TTC6: variants seen among roughly 807,000 people sequenced by gnomAD.
The protein encoded by TTC6 is tetratricopeptide repeat domain 6, also known as tetratricopeptide repeat protein 6.
A neutral mutation model predicts 210.4 loss-of-function variants in TTC6; 172 were observed. That is an observed-to-expected ratio of 0.82 (90% confidence interval 0.72 to 0.93). TTC6 has a LOEUF of 0.93. TTC6 is among the 40% of genes least tolerant of loss of function. The pLI, the probability that TTC6 is intolerant of heterozygous loss-of-function variation, is 0.00. For missense variants in TTC6, 2,414 were observed against 2,318.1 expected (o/e 1.04, Z -0.85); for synonymous variants, 804 against 819.6 (o/e 0.98, Z 0.32).
At chr14:37,646,121 T>A (rs191085519) in intron 1 of TTC6, among the ~76,000 whole-genome samples, 4 of 152,310 alleles carry the variant, frequency 2.6e-5, no homozygotes, top group African/African-American at 9.6e-5. Context: ...ACAGTGCAAT[T>A]GGCACTATAA....
chr14:37,622,685 C>A, exon 1 of TTC6: 1 of 1,535,126 alleles, frequency 6.5e-7, no homozygotes, highest in Non-Finnish European at 8.7e-7. Context: ...AGGCCAGCTC[C>A]GTCTCCGCAG....
Position 37,796,810 on chromosome 14 carries a change from C to T in TTC6, c.3892C>T (p.Gln1298Ter). The T allele has an allele frequency of 6.2e-7, 1 of 1,606,654 alleles. No homozygotes were observed. Among genetic ancestry groups the T allele is most frequent in the Non-Finnish European group, 8.5e-7 (1 of 1,176,496 alleles). ...AGGTCTCAGTGAGTTGAGTCCTATG[C>T]AGCAAGCCCTTATTTATTCATTTTG... The change falls in exon 20 of 31, where the codon CAG becomes TAG. Residue 1298 changes from glutamine (Q) to a stop codon, truncating the protein, a stop_gained. Transcript: ENST00000553443. LOFTEE classifies it high-confidence loss of function.
At chr14:37,762,882 CTTTTTT>C (rs369694046) in intron 14 of TTC6, among the ~76,000 whole-genome samples, 1 of 129,602 alleles carries the variant, frequency 7.7e-6, no homozygotes. Flanking sequence ...CTTTTCTTTT[CTTTTTT>C]TTTTTTTTTT....
Position 37,751,086 on chromosome 14 carries a change from G to GA in TTC6, c.2997dup (p.Asp1000ArgfsTer14). 3 of 1,522,462 alleles carry GA rather than the reference G, an allele frequency of 2.0e-6. No individual in the cohort carries two copies. The highest frequency in any genetic ancestry group is 2.0e-5 in the Admixed American group (1 of 50,032). 94.3% of individuals were successfully genotyped at this position (1,522,462 alleles called of 1,614,324 possible). On this transcript the variant is annotated frameshift_variant, in exon 13 of 31. Coordinates refer to ENST00000553443, the Ensembl canonical transcript of TTC6. LOFTEE classifies it high-confidence loss of function. ...TTGTCAAAAGCAGAAATTTACAGGG[G>GA]AAAAAAAGACATAACTTTGGCAATT...
chr14:37,790,471 A>G (rs2096076888), intron 15 of TTC6, among the ~76,000 whole-genome samples: 1 of 152,196 alleles, frequency 6.6e-6, no homozygotes, highest in African/African-American at 2.4e-5. Context: ...CTAGATTCCA[A>G]TCAGGATTTA....
rs543056031 is a variant in TTC6 at position 37,825,048 on chromosome 14, G to C, written c.4974+1091G>C. Among the ~76,000 whole-genome samples the C allele has an allele frequency of 2.0e-5, 3 of 152,326 alleles. No individual in the cohort carries two copies. The South Asian group carries it at 6.2e-4, about 32-fold the overall frequency. On this transcript the variant is annotated intron_variant, in intron 27 of 30. Transcript: ENST00000553443. ...GAAAAGCACAGGAGTGTAAAGAATT[G>C]AGTCAGGAAGGAGGACTGCAAAAGG...
intron 20 of TTC6, among the ~76,000 whole-genome samples, chr14:37,800,114 A>G (rs1466738835): frequency 6.6e-6 from 1 of 152,192 alleles, no homozygotes; most frequent in African/African-American, 2.4e-5. Flanking sequence ...CAGAGGCTGA[A>G]AGAATTTTGA....
chr14:37,713,964 CTG>C (rs1366695109), intron 5 of TTC6, among the ~76,000 whole-genome samples: 1 of 152,058 alleles, frequency 6.6e-6, no homozygotes, highest in Non-Finnish European at 1.5e-5. Flanking sequence ...TGGCACATGA[CTG>C]TGTATATATT....
chr14:37,623,029 A>AT (rs2095654487), intron 1 of TTC6, 26 bp downstream of exon 3: 2 of 1,428,398 alleles, frequency 1.4e-6, no homozygotes, highest in Non-Finnish European at 1.8e-6. Context: ...CAAGAGTAAC[A>AT]TTTTTCCCAA....
intron 1 of TTC6, among the ~76,000 whole-genome samples, chr14:37,645,476 G>A (rs573853230): frequency 2.6e-5 from 4 of 152,284 alleles, no homozygotes; most frequent in African/African-American, 9.6e-5. Flanking sequence ...AAACAAATCA[G>A]TAATGTCTTA....
At chr14:37,599,592 C>G (rs1182378834) in intron 1 of TTC6, among the ~76,000 whole-genome samples, 1 of 152,200 alleles carries the variant, frequency 6.6e-6, no homozygotes, top group East Asian at 1.9e-4. Flanking sequence ...CTAGCTCACC[C>G]GCAGCCGGAT....
intron 5 of TTC6, among the ~76,000 whole-genome samples, chr14:37,704,733 T>G (rs2095832117): frequency 6.6e-6 from 1 of 152,102 alleles, no homozygotes; most frequent in South Asian, 2.1e-4. Context: ...TAGCAATTTT[T>G]TTTGTGTGTT....
intron 14 of TTC6, among the ~76,000 whole-genome samples, chr14:37,778,995 G>A (rs1041283652): frequency 6.6e-6 from 1 of 152,122 alleles, no homozygotes; most frequent in Non-Finnish European, 1.5e-5. Flanking sequence ...CAAACCCTCT[G>A]GGCTTTGCAC....
intron 3 of TTC6, 30 bp from the exon 6 acceptor site, chr14:37,696,687 C>G (rs1404327706): frequency 1.7e-6 from 2 of 1,184,114 alleles, no homozygotes; most frequent in South Asian, 1.8e-5. Context: ...TACATCTTCT[C>G]TTAACAGCAC....
rs533487105 is a variant in TTC6 at position 37,600,252 on chromosome 14, G to C, written c.-235+4244G>C. 3.3e-5 allele frequency among the ~76,000 whole-genome samples: 5 copies of C among 152,324 alleles called. No homozygotes were observed. In the South Asian group the frequency reaches 1.0e-3, roughly 32 times the overall value. ...TGGCGTTTCCCCACCTGCTGCTCCT[G>C]TGTGCAAGAGCTGGGAGGCTGGAAA... On this transcript the variant is annotated intron_variant, in intron 1 of 2. Coordinates refer to the TTC6 transcript ENST00000556845.
intron 26 of TTC6, among the ~76,000 whole-genome samples, chr14:37,821,106 T>G (rs2096155969): frequency 6.6e-6 from 1 of 151,576 alleles, no homozygotes; most frequent in African/African-American, 2.4e-5. Context: ...CTTACTCTGT[T>G]GCCCAGGCTG....
chr14:37,630,907 G>GTTTTTTGTTTTTTTTTTTTTT (rs2095668323), intron 1 of TTC6, among the ~76,000 whole-genome samples: 1 of 33,064 alleles, frequency 3.0e-5, no homozygotes. Flanking sequence ...GGCAACCCCT[G>GTTTTTTGTTTTTTTTTTTTTT]TTTTTTTTTT....
intron 14 of TTC6, among the ~76,000 whole-genome samples, chr14:37,774,483 A>G (rs1480640157): frequency 6.6e-6 from 1 of 152,048 alleles, no homozygotes; most frequent in East Asian, 1.9e-4. Flanking sequence ...TTCTGCGTCT[A>G]TTGAGTTAAT....
intron 1 of TTC6, among the ~76,000 whole-genome samples, chr14:37,630,618 C>G (rs2095667662): frequency 6.6e-6 from 1 of 152,090 alleles, no homozygotes; most frequent in African/African-American, 2.4e-5. Context: ...GAGCTGAGTT[C>G]AAGTCCTGAA....
Sources: allele counts gnomAD v4.1 joint callset (sites outside exome capture counted in the v4.1 genomes callset), GRCh38; gene constraint gnomAD v4.1.1; transcripts MANE v1.5; gene names NCBI Gene and HGNC (gene_info 2026-07-23, HGNC 2026-07-21).